Variants in TPST1 observed in about 807,000 individuals in gnomAD.
TPST1 encodes tyrosylprotein sulfotransferase 1, also known as protein-tyrosine sulfotransferase 1.
Under a neutral mutation model 34.8 loss-of-function variants are expected in TPST1, and 20 were observed. The ratio of observed to expected loss-of-function variants is 0.57; its 90% CI spans 0.40 to 0.84. TPST1 has a LOEUF of 0.84. TPST1 is among the 40% of genes least tolerant of loss of function. The pLI is 0.00. For synonymous variants in TPST1, 152 were observed against 159.4 expected, an observed-to-expected ratio of 0.95 and a Z score of 0.35; for missense variants, 353 against 455.5, an observed-to-expected ratio of 0.78 and a Z score of 2.05.
chr7:66,203,486 CT>C (rs373614847), upstream of TPST1, among the ~76,000 whole-genome samples: 783 of 134,504 alleles, frequency 5.8e-3, 5 homozygotes, highest in African/African-American at 0.015. Flanking sequence ...ACAAAAACTT[CT>C]TTTTTTTTTT....
chr7:66,235,370 A>G (rs1789891196), intron 1 of TPST1, among the ~76,000 whole-genome samples: 1 of 152,034 alleles, frequency 6.6e-6, no homozygotes, highest in African/African-American at 2.4e-5. Flanking sequence ...GTTTTTTCTT[A>G]TTAAGCTGAT....
chr7:66,204,339 C>T (rs1789076478), upstream of TPST1, among the ~76,000 whole-genome samples: 1 of 152,216 alleles, frequency 6.6e-6, no homozygotes, highest in South Asian at 2.1e-4. Flanking sequence ...CCACAGCCTC[C>T]CCAGTAGCTG....
At chr7:66,318,125 T>G (rs893732411) in intron 3 of TPST1, among the ~76,000 whole-genome samples, 7 of 152,106 alleles carry the variant, frequency 4.6e-5, no homozygotes, top group African/African-American at 1.7e-4. Flanking sequence ...GCCATTGTAC[T>G]CGAGCCTCGG....
intron 3 of TPST1, among the ~76,000 whole-genome samples, chr7:66,306,816 G>T (rs1287659281): frequency 6.6e-6 from 1 of 151,784 alleles, no homozygotes; most frequent in Admixed American, 6.6e-5. Context: ...GGGTTGAAGC[G>T]ACTCTTTTGC....
intron 5 of TPST1, among the ~76,000 whole-genome samples, chr7:66,357,740 A>G (rs1465093311): frequency 6.6e-6 from 1 of 152,204 alleles, no homozygotes; most frequent in African/African-American, 2.4e-5. Flanking sequence ...GTTTTGCTCC[A>G]AATGATGTGG....
At chr7:66,306,875 G>A (rs371724741) in intron 3 of TPST1, among the ~76,000 whole-genome samples, 2 of 151,838 alleles carry the variant, frequency 1.3e-5, no homozygotes, top group African/African-American at 2.4e-5. Context: ...CACCATGCAC[G>A]GCTAATTTTT....
chr7:66,212,079 T>A (rs929928104), intron 1 of TPST1, among the ~76,000 whole-genome samples: 4 of 152,242 alleles, frequency 2.6e-5, no homozygotes, highest in African/African-American at 9.6e-5. Flanking sequence ...CTGTGACAGT[T>A]ACTACAGAGG....
intron 1 of TPST1, among the ~76,000 whole-genome samples, chr7:66,209,033 A>C (rs1366403740): frequency 6.6e-6 from 1 of 152,130 alleles, no homozygotes; most frequent in Non-Finnish European, 1.5e-5. Flanking sequence ...CTGTAATCCC[A>C]GCATTTTGGG....
intron 5 of TPST1, among the ~76,000 whole-genome samples, chr7:66,358,654 T>C (rs1014805482): frequency 1.3e-5 from 2 of 152,212 alleles, no homozygotes; most frequent in East Asian, 1.9e-4. Context: ...GCTGCTAATA[T>C]TGACAGGTTC....
At chr7:66,241,350 G>A in intron 2 of TPST1, 80 bp downstream of exon 2, 2 of 1,483,668 alleles carry the variant, frequency 1.3e-6, no homozygotes, top group East Asian at 2.3e-5. Flanking sequence ...TGTGTTTTAT[G>A]TATATATGTG....
At chr7:66,347,059 CTT>C (rs71051352) in intron 3 of TPST1, among the ~76,000 whole-genome samples, 56 of 59,970 alleles carry the variant, frequency 9.3e-4, no homozygotes, top group East Asian at 3.3e-3. Context: ...CTTTGCTTTT[CTT>C]TTTTTTTTTT....
At position 66,240,984 on chromosome 7, in the gene TPST1, CG is replaced by C; in HGVS notation, c.562del (p.Ala188HisfsTer6). ...ATTTCTCCTGATGGTCCGAGATGGC[CG>C]GGCATCAGTACATTCAATGATTTCT... is the stretch of plus-strand genomic sequence containing the variant. ...AKFLLMVRDGRASVHSMISRK... is the reference protein window; with the variant it reads ...AKFLLMVRDGXASVHSMISRK... On this transcript the variant is annotated frameshift_variant, in exon 2 of 6. Coordinates refer to ENST00000304842, the MANE Select transcript of TPST1 (RefSeq NM_003596.4). LOFTEE classifies it high-confidence loss of function. 1.2e-6 allele frequency: 2 copies of C among 1,614,146 alleles called. No individual in the cohort carries two copies. Among genetic ancestry groups the C allele is most frequent in the Non-Finnish European group, 1.7e-6 (2 of 1,180,026 alleles).
chr7:66,263,820 C>T (rs1584189247), intron 2 of TPST1, among the ~76,000 whole-genome samples: 1 of 152,094 alleles, frequency 6.6e-6, no homozygotes, highest in South Asian at 2.1e-4. Flanking sequence ...AAAATTTTAC[C>T]CTTCCATAAG....
rs1584247486 is a variant in TPST1 at position 66,332,354 on chromosome 7, G to A, written c.1045-20151G>A. On this transcript the variant is annotated intron_variant, in intron 3 of 5. Transcript: ENST00000304842. The surrounding 1 kb of genome is among the most constrained non-coding windows in gnomAD (Gnocchi z 4.5). ...ACAATCTCAGCTCACTGCAACGTCC[G>A]TCTCCTGAGTTCAAGCGATTCTCCT... Among the ~76,000 whole-genome samples, 3 of 151,408 alleles carry A rather than the reference G, an allele frequency of 2.0e-5. No homozygotes were observed. Among genetic ancestry groups the A allele is most frequent in the African/African-American group, 7.3e-5 (3 of 41,236 alleles).
At chr7:66,199,052 T>C in the TPST1 span, among the ~76,000 whole-genome samples, 2 of 152,228 alleles carry the variant, frequency 1.3e-5, no homozygotes, top group East Asian at 1.9e-4. Context: ...TCAAAGATCT[T>C]TGGCTCTGGA....
chr7:66,316,320 ATGT>A (rs1217955403), intron 3 of TPST1, among the ~76,000 whole-genome samples: 1 of 152,202 alleles, frequency 6.6e-6, no homozygotes, highest in African/African-American at 2.4e-5. Flanking sequence ...ATTCTGTAAA[ATGT>A]TGTTGAAGCT....
At chr7:66,252,790 C>T (rs1402515927) in intron 2 of TPST1, among the ~76,000 whole-genome samples, 4 of 151,996 alleles carry the variant, frequency 2.6e-5, no homozygotes, top group African/African-American at 9.7e-5. Context: ...AAAATTCTTC[C>T]ATACTCTGAG....
At chr7:66,234,432 G>C (rs12532497) in intron 1 of TPST1, among the ~76,000 whole-genome samples, 2,155 of 32,796 alleles carry the variant, frequency 0.066, 25 homozygotes, top group Middle Eastern at 0.19. Flanking sequence ...CACACACACA[G>C]ACACACACAC....
chr7:66,204,360 C>T (rs1277276560), upstream of TPST1, among the ~76,000 whole-genome samples: 2 of 152,202 alleles, frequency 1.3e-5, no homozygotes, highest in Admixed American at 1.3e-4. Context: ...GGACGACAGG[C>T]GTCCGCCACC....
Sources: gnomAD v4.1 joint callset for allele counts (sites outside exome capture counted in the v4.1 genomes callset) on GRCh38, gnomAD v4.1.1 for gene constraint, Gnocchi (gnomAD v3.1) non-coding constraint, MANE v1.5 for transcripts, NCBI Gene and HGNC (gene_info 2026-07-23, HGNC 2026-07-21) for gene names.